The following OSTC variants were observed in gnomAD, a reference collection of about 807,000 sequenced individuals.
The protein encoded by OSTC is oligosaccharyltransferase complex non-catalytic subunit, also known as oligosaccharyltransferase complex subunit OSTC.
In OSTC, 16 loss-of-function variants were observed where a neutral mutation model predicts 16.4. The ratio of observed to expected loss-of-function variants is 0.98; its 90% CI spans 0.66 to 1.49. The LOEUF (loss-of-function observed/expected upper bound fraction) is 1.49. OSTC is among the 40% of genes most tolerant of loss of function. OSTC has a pLI of 0.00. For synonymous variants in OSTC, 67 were observed against 68.5 expected (o/e 0.98, Z 0.11); for missense variants, 139 against 186.3 (o/e 0.75, Z 1.48).
rs755338034 is a variant in OSTC at position 108,650,633 on chromosome 4, G to A, written c.-23G>A. ...GGAGGCGCGTGGGGCTTGAGGCCGA[G>A]AACGGCCCTTGCTGCCACCAACATG... is the stretch of plus-strand genomic sequence containing the variant. On this transcript the variant is annotated 5_prime_UTR_variant, in exon 1 of 4. Transcript: ENST00000361564. 1.2e-5 allele frequency: 19 copies of A among 1,612,704 alleles called. No homozygotes were observed. The Middle Eastern group carries it at 9.9e-4, about 84-fold the overall frequency.
chr4:108,658,104 G>T (rs931316214), intron 3 of OSTC, among the ~76,000 whole-genome samples: 1 of 151,506 alleles, frequency 6.6e-6, no homozygotes, highest in African/African-American at 2.4e-5. Context: ...GCTATTTTTT[G>T]TATTTTTAGT....
chr4:108,664,533 T>C (rs972799849), intron 3 of OSTC, among the ~76,000 whole-genome samples: 1 of 6,436 alleles, frequency 1.6e-4, no homozygotes, highest in Admixed American at 2.3e-3. Flanking sequence ...GGCATTATAG[T>C]AGCAAATTTA....
chr4:108,661,217 CAA>C (rs34609606), intron 3 of OSTC, among the ~76,000 whole-genome samples: 116 of 103,248 alleles, frequency 1.1e-3, no homozygotes, highest in South Asian at 1.3e-3. Flanking sequence ...GACTCCATCT[CAA>C]AAAAAAAAAA....
intron 3 of OSTC, among the ~76,000 whole-genome samples, chr4:108,657,986 C>G (rs1256146687): frequency 8.4e-6 from 1 of 118,722 alleles, no homozygotes; most frequent in Non-Finnish European, 1.6e-5. Flanking sequence ...GCTGGAAATG[C>G]AATGGCACAA....
chr4:108,651,692 T>C (rs980753752), intron 1 of OSTC, among the ~76,000 whole-genome samples: 8 of 152,218 alleles, frequency 5.3e-5, no homozygotes, highest in African/African-American at 1.9e-4. Context: ...ATAAAATTAA[T>C]TTAGATTTTG....
intron 3 of OSTC, among the ~76,000 whole-genome samples, chr4:108,659,295 C>G (rs1026479292): frequency 6.6e-6 from 1 of 151,884 alleles, no homozygotes; most frequent in African/African-American, 2.4e-5. Flanking sequence ...CTCTTATTTT[C>G]ATTTGGGGAA....
intron 3 of OSTC, among the ~76,000 whole-genome samples, chr4:108,658,597 C>T (rs1726771719): frequency 6.6e-6 from 1 of 151,938 alleles, no homozygotes; most frequent in Non-Finnish European, 1.5e-5. Context: ...ATCACATTTC[C>T]ATATATTCTA....
At chr4:108,661,936 G>A (rs1283672561) in intron 3 of OSTC, among the ~76,000 whole-genome samples, 1 of 152,190 alleles carries the variant, frequency 6.6e-6, no homozygotes. Flanking sequence ...ATAAAAGGTG[G>A]CCTGTGGTGG....
At chr4:108,656,403 A>G (rs1036996558) in intron 2 of OSTC, among the ~76,000 whole-genome samples, 8 of 151,770 alleles carry the variant, frequency 5.3e-5, no homozygotes, top group African/African-American at 1.7e-4. Context: ...CCTCTTTCAC[A>G]CTGTTTGAAT....
At chr4:108,655,828 T>G (rs1198964895) in intron 2 of OSTC, among the ~76,000 whole-genome samples, 171 bp downstream of exon 2, 1 of 152,128 alleles carries the variant, frequency 6.6e-6, no homozygotes, top group Non-Finnish European at 1.5e-5. Flanking sequence ...CAAGAGTATA[T>G]TATTTATTTA....
intron 1 of OSTC, chr4:108,652,359 G>A (rs1408859190): frequency 1.3e-5 from 2 of 152,038 alleles, no homozygotes; most frequent in Non-Finnish European, 2.9e-5. Context: ...CCTTGGAGTC[G>A]GATTCTTTGC....
intron 1 of OSTC, among the ~76,000 whole-genome samples, chr4:108,653,063 T>A (rs1323975720): frequency 6.6e-6 from 1 of 151,354 alleles, no homozygotes; most frequent in African/African-American, 2.4e-5. Context: ...AACCCCAAAA[T>A]TAGCTGAGCC....
rs141917218 is a variant in OSTC at position 108,657,504 on chromosome 4, G to T, written c.288G>T (p.Met96Ile). 7.4e-6 allele frequency: 12 copies of T among 1,613,592 alleles called. No homozygotes were observed. The African/African-American group carries it at 1.3e-4, about 18-fold the overall frequency. Residue 96 changes from methionine (M) to isoleucine (I), a missense_variant, in exon 3 of 4, where the codon ATG becomes ATT. Coordinates refer to ENST00000361564, the MANE Select transcript of OSTC (RefSeq NM_021227.4). The part of the protein sequence containing the change: ...EGLASSFLFT[M>I]GGLGFIILDR... ...TTGCATCCAGCTTCCTATTTACAAT[G>T]GGAGGTTTAGGTTTCATAATCCTGG...
At chr4:108,656,234 T>C (rs115656372) in intron 2 of OSTC, among the ~76,000 whole-genome samples, 2 of 116,766 alleles carry the variant, frequency 1.7e-5, no homozygotes, top group Non-Finnish European at 3.5e-5. Context: ...ATGCTTATAT[T>C]GCTTTCTAAA....
At position 108,657,661 on chromosome 4, in the gene OSTC, G is replaced by A; in HGVS notation, c.431+14G>A. 6.3e-7 allele frequency: 1 copy of A among 1,595,054 alleles called. No individual in the cohort carries two copies. On this transcript the variant is annotated intron_variant, in intron 3 of 3. Coordinates refer to ENST00000361564, the MANE Select transcript of OSTC (RefSeq NM_021227.4). Reference sequence around the variant, plus strand: ...AATGAAACTGCCGTAAGTTATTTGTGTAATCAGCACCTTATGTTGCAAATT... The same window carrying A: ...AATGAAACTGCCGTAAGTTATTTGTATAATCAGCACCTTATGTTGCAAATT...
intron 1 of OSTC, 129 bp downstream of exon 1, chr4:108,650,923 G>C: frequency 7.2e-7 from 1 of 1,381,098 alleles, no homozygotes. Context: ...TCTGAGGGTG[G>C]AGGGGAGTTC....
rs558431865 is a variant in OSTC, at chr4:108,652,105, A to G, written c.139+1311A>G. On this transcript the variant is annotated intron_variant, in intron 1 of 3. Transcript: ENST00000361564. Reference sequence around the variant, plus strand: ...TGCATGTGGCTTTTAAAAATAATAGACTTTTAAAAATAAATAATATAGAAT... The same window carrying G: ...TGCATGTGGCTTTTAAAAATAATAGGCTTTTAAAAATAAATAATATAGAAT... 5 of 152,268 alleles carry G rather than the reference A, an allele frequency of 3.3e-5. 1 individual carries two copies. Among genetic ancestry groups the G allele is most frequent in the Admixed American group, 3.3e-4 (5 of 15,302 alleles). 9.4% of individuals were successfully genotyped at this position (152,268 alleles called of 1,614,324 possible). A position where few individuals can be genotyped will look rare whatever the true frequency, so the allele number is the denominator to read the frequency against.
intron 3 of OSTC, among the ~76,000 whole-genome samples, chr4:108,658,255 T>C (rs961510010): frequency 6.6e-6 from 1 of 152,042 alleles, no homozygotes; most frequent in Middle Eastern, 3.2e-3. Flanking sequence ...TAAAATGCCT[T>C]TTGGCTAATC....
At position 108,663,213 on chromosome 4, in the gene OSTC, T is replaced by C. The variant is rs114385647; in HGVS notation, c.432-4034T>C. The C allele has an allele frequency of 4.5e-3, 2,035 of 456,080 alleles. 25 individuals are homozygous for C. Among genetic ancestry groups the C allele is most frequent in the African/African-American group, 0.035 (1,734 of 50,178 alleles). The allele number at this position is 456,080 out of a possible 1,614,324, so 28.3% of individuals were successfully genotyped here. On this transcript the variant is annotated intron_variant, in intron 3 of 3. Coordinates refer to ENST00000361564, the MANE Select transcript of OSTC (RefSeq NM_021227.4). ...ATAAATGAATAAACCATTACTGTTT[T>C]TGTTTTGTTTCGTATTGAGACGGAG...
Sources: gnomAD v4.1 joint callset for allele counts (sites outside exome capture counted in the v4.1 genomes callset) on GRCh38, gnomAD v4.1.1 for gene constraint, MANE v1.5 for transcripts, NCBI Gene and HGNC (gene_info 2026-07-23, HGNC 2026-07-21) for gene names.